ZFP14: variants seen among roughly 807,000 people sequenced by gnomAD.
The protein encoded by ZFP14 is ZFP14 zinc finger protein.
ZFP14 carries 22 observed loss-of-function variants against 54.5 expected under a neutral mutation model. The ratio of observed to expected loss-of-function variants is 0.40; its 90% CI spans 0.29 to 0.58. The LOEUF (loss-of-function observed/expected upper bound fraction) is 0.58, where lower values mean the gene tolerates loss of function less well. Among genes scored for constraint, ZFP14 ranks in the 20% least tolerant of loss-of-function variants. The pLI is 0.39. For missense variants in ZFP14, 470 were observed against 637.8 expected (o/e 0.74, Z 2.83); for synonymous variants, 159 against 204.0 (o/e 0.78, Z 1.88).
At chr19:36,358,964 G>C (rs1046274998) in intron 4 of ZFP14, among the ~76,000 whole-genome samples, 3 of 152,168 alleles carry the variant, frequency 2.0e-5, no homozygotes, top group Non-Finnish European at 4.4e-5. Flanking sequence ...TAGCACATTT[G>C]CATGTTCAGC....
At chr19:36,367,385 G>T (rs1444699963) in intron 2 of ZFP14, among the ~76,000 whole-genome samples, 1 of 152,132 alleles carries the variant, frequency 6.6e-6, no homozygotes, top group Admixed American at 6.5e-5. Flanking sequence ...AGAAGATTTT[G>T]TAGGTAGGAG....
rs760769206 is a variant in ZFP14 at position 36,360,502 on chromosome 19, G to A, written c.168C>T (p.Thr56=). 1.2e-6 allele frequency: 2 copies of A among 1,613,386 alleles called. No individual in the cohort carries two copies. The highest frequency in any genetic ancestry group is 2.2e-5 in the South Asian group (2 of 90,882). ...GPSISKPDVI[T]LLDEERKEPG... is the part of the protein sequence containing the mutation. Reference sequence around the variant, plus strand: ...GTTCCTTCCTTTCTTCATCCAATAAGGTAATCACATCTGGTTTAGAAATGG... The same window carrying A: ...GTTCCTTCCTTTCTTCATCCAATAAAGTAATCACATCTGGTTTAGAAATGG... The change falls in exon 4 of 5, where the codon ACC becomes ACT. Residue 56 remains threonine, a synonymous_variant. Coordinates refer to ENST00000270001, the MANE Select transcript of ZFP14 (RefSeq NM_020917.3).
At chr19:36,372,531 C>T (rs960685245) in intron 1 of ZFP14, among the ~76,000 whole-genome samples, 1 of 152,144 alleles carries the variant, frequency 6.6e-6, no homozygotes, top group Non-Finnish European at 1.5e-5. Flanking sequence ...CACATACAAC[C>T]TACCAAGATT....
At position 36,338,005 on chromosome 19, in the gene ZFP14, A is replaced by G. The variant is rs953340958; in HGVS notation, c.*2219T>C. On this transcript the variant is annotated 3_prime_UTR_variant, in exon 5 of 5. Transcript: ENST00000270001. ...CAAAAAAGAAAAACCCATTCAAAAA[A>G]CAAATTTTTTTTTTGAGACAGGGTC... The G allele has an allele frequency of 6.6e-6, 1 of 152,142 alleles. No homozygotes were observed. Among genetic ancestry groups the G allele is most frequent in the Non-Finnish European group, 1.5e-5 (1 of 68,028 alleles). The allele number at this position is 152,142 out of a possible 1,614,324, so 9.4% of individuals were successfully genotyped here.
intron 4 of ZFP14, among the ~76,000 whole-genome samples, chr19:36,347,063 C>T (rs1310470793): frequency 6.6e-6 from 1 of 152,176 alleles, no homozygotes; most frequent in African/African-American, 2.4e-5. Flanking sequence ...TTATCAGCCT[C>T]ATGTGACTTG....
At chr19:36,376,604 GA>G (rs2031966591) in intron 1 of ZFP14, among the ~76,000 whole-genome samples, 1 of 152,034 alleles carries the variant, frequency 6.6e-6, no homozygotes, top group South Asian at 2.1e-4. Context: ...AATCCTTCTT[GA>G]TTATCAACAA....
intron 1 of ZFP14, chr19:36,378,254 A>C (rs1268086073): frequency 3.3e-5 from 5 of 152,242 alleles, no homozygotes; most frequent in Non-Finnish European, 7.3e-5. Context: ...TCATGAGTGT[A>C]ATCAAGAGGG....
chr19:36,377,172 T>A (rs1220031466), intron 1 of ZFP14, among the ~76,000 whole-genome samples: 1 of 152,110 alleles, frequency 6.6e-6, no homozygotes, highest in Non-Finnish European at 1.5e-5. Flanking sequence ...CCACCTCCTT[T>A]CCCTGCTTTT....
At chr19:36,356,309 T>C (rs1348306420) in intron 4 of ZFP14, among the ~76,000 whole-genome samples, 1 of 151,668 alleles carries the variant, frequency 6.6e-6, no homozygotes, top group East Asian at 1.9e-4. Flanking sequence ...ATGCCTATAA[T>C]CTCAGCTACT....
intron 2 of ZFP14, among the ~76,000 whole-genome samples, chr19:36,366,919 C>T (rs905439371): frequency 1.3e-5 from 2 of 152,080 alleles, no homozygotes; most frequent in East Asian, 1.9e-4. Context: ...TCTGGGAGGC[C>T]GAGGCAGGCA....
intron 4 of ZFP14, among the ~76,000 whole-genome samples, chr19:36,345,553 G>A (rs1210386633): frequency 6.6e-6 from 1 of 152,166 alleles, no homozygotes; most frequent in Non-Finnish European, 1.5e-5. Context: ...AATCGAAAAT[G>A]CTGAATGAAG....
At chr19:36,361,324 C>T (rs1432281830) in intron 3 of ZFP14, among the ~76,000 whole-genome samples, 1 of 152,162 alleles carries the variant, frequency 6.6e-6, no homozygotes, top group African/African-American at 2.4e-5. Flanking sequence ...ACTGCAACCT[C>T]AGTCTCCCAG....
At position 36,354,852 on chromosome 19, in the gene ZFP14, A is replaced by G. The variant is rs749669186; in HGVS notation, c.235+5583T>C. On this transcript the variant is annotated intron_variant, in intron 4 of 4. Transcript: ENST00000270001. ...ACGCCCAGCTAATTTTCGTATTTTC[A>G]GTAGAGACAGGTTTCACCATGTTGG... Among the ~76,000 whole-genome samples the G allele has an allele frequency of 3.5e-5, 5 of 142,490 alleles. 2 individuals carry two copies. The highest frequency in any genetic ancestry group is 7.8e-5 in the Non-Finnish European group (5 of 64,282). The allele number at this position is 142,490 out of a possible 152,430, so 93.5% of individuals were successfully genotyped here.
At chr19:36,347,808 T>C (rs920715096) in intron 4 of ZFP14, among the ~76,000 whole-genome samples, 1 of 151,668 alleles carries the variant, frequency 6.6e-6, no homozygotes, top group Non-Finnish European at 1.5e-5. Context: ...CGCCTGTCAA[T>C]CCAGCTCTTT....
intron 4 of ZFP14, among the ~76,000 whole-genome samples, chr19:36,345,470 C>G (rs2031397545): frequency 6.6e-6 from 1 of 152,082 alleles, no homozygotes; most frequent in Non-Finnish European, 1.5e-5. Flanking sequence ...CTGAATGCAA[C>G]AGAGTAAAAA....
rs1175610450 is a variant in ZFP14, at chr19:36,355,782, G to A, written c.235+4653C>T. On this transcript the variant is annotated intron_variant, in intron 4 of 4. Coordinates refer to ENST00000270001, the MANE Select transcript of ZFP14 (RefSeq NM_020917.3). ...AAGGCAGCTGCCTGCAAGCCAGGAA[G>A]AGAGACTTCACCAGAACCTGGCACC... Among the ~76,000 whole-genome samples, 3 of 142,662 alleles carry A rather than the reference G, an allele frequency of 2.1e-5. 1 individual carries two copies. Among genetic ancestry groups the A allele is most frequent in the Non-Finnish European group, 4.7e-5 (3 of 64,324 alleles). 93.6% of individuals were successfully genotyped at this position (142,662 alleles called of 152,430 possible).
At chr19:36,362,769 C>T in intron 2 of ZFP14, 1 of 254,182 alleles carries the variant, frequency 3.9e-6, no homozygotes, top group South Asian at 3.8e-5. Context: ...AGGTCTTGGG[C>T]TCTCTTTTCC....
intron 3 of ZFP14, 128 bp downstream of exon 3, chr19:36,361,984 T>A: frequency 8.9e-7 from 1 of 1,125,146 alleles, no homozygotes; most frequent in South Asian, 1.8e-5. Context: ...TGGAGAGGCC[T>A]AGTTCCAACC....
intron 1 of ZFP14, among the ~76,000 whole-genome samples, chr19:36,371,583 T>C (rs1196644224): frequency 6.6e-6 from 1 of 152,084 alleles, no homozygotes; most frequent in Non-Finnish European, 1.5e-5. Flanking sequence ...ATAGGATTCA[T>C]GGGACAGCAT....
Sources: allele counts gnomAD v4.1 joint callset (sites outside exome capture counted in the v4.1 genomes callset), GRCh38; gene constraint gnomAD v4.1.1; transcripts MANE v1.5; gene names NCBI Gene and HGNC (gene_info 2026-07-23, HGNC 2026-07-21).